The following PTPRQ variants were observed in gnomAD, a reference collection of about 807,000 sequenced individuals.
The protein encoded by PTPRQ is protein tyrosine phosphatase receptor type Q.
In PTPRQ, 199 loss-of-function variants were observed where a neutral mutation model predicts 246.0. That is an observed-to-expected ratio of 0.81 (90% confidence interval 0.72 to 0.91). PTPRQ has a LOEUF of 0.91. Ranked by LOEUF, PTPRQ falls within the 40% of genes least tolerant of loss-of-function variation. The pLI, the probability that PTPRQ is intolerant of heterozygous loss-of-function variation, is 0.00. For missense variants in PTPRQ, 2,624 were observed against 2,528.4 expected, an observed-to-expected ratio of 1.04 and a Z score of -0.81; for synonymous variants, 869 against 853.2, an observed-to-expected ratio of 1.02 and a Z score of -0.32.
At chr12:80,610,706 A>G in intron 28 of PTPRQ, 81 bp downstream of exon 28, 1 of 1,481,156 alleles carries the variant, frequency 6.8e-7, no homozygotes, top group Non-Finnish European at 9.0e-7. Context: ...TCCACCAAAA[A>G]AGGATATGTG....
At chr12:80,629,653 C>G (rs1335828058) in intron 33 of PTPRQ, among the ~76,000 whole-genome samples, 1 of 151,944 alleles carries the variant, frequency 6.6e-6, no homozygotes, top group African/African-American at 2.4e-5. Context: ...AGGATATGGG[C>G]TTTTCTCAGT....
At chr12:80,483,987 T>TTTTGTTTGTTTG (rs71094983) in intron 8 of PTPRQ, among the ~76,000 whole-genome samples, 6 of 149,338 alleles carry the variant, frequency 4.0e-5, no homozygotes, top group Non-Finnish European at 5.9e-5. Context: ...CTTTCTTGTT[T>TTTTGTTTGTTTG]TTTGTTTGTT....
At position 80,661,203 on chromosome 12, in the gene PTPRQ, C is replaced by T. The variant is rs201494888; in HGVS notation, c.6192+3142C>T. ...TGCTTTTAATGACATCATAATCATACAAAAGGAAAAAATATATATATATAA... is the reference window on the plus strand; with the variant it reads ...TGCTTTTAATGACATCATAATCATATAAAAGGAAAAAATATATATATATAA... On this transcript the variant is annotated intron_variant, in intron 39 of 44. Transcript: ENST00000644991. 2.8e-5 allele frequency among the ~76,000 whole-genome samples: 4 copies of T among 145,316 alleles called. No homozygotes were observed. The East Asian group carries it at 8.0e-4, about 29-fold the overall frequency.
Position 80,507,077 on chromosome 12 carries a change from C to T in PTPRQ, c.2557+407C>T, listed in dbSNP as rs143674807. 1.1e-3 allele frequency among the ~76,000 whole-genome samples: 172 copies of T among 151,958 alleles called. 1 individual carries two copies. Among genetic ancestry groups the T allele is most frequent in the African/African-American group, 3.3e-3 (137 of 41,496 alleles). On this transcript the variant is annotated intron_variant, in intron 16 of 44. Transcript: ENST00000644991. ...TATGTAAATGTTCAGCACTTTTTTA[C>T]GATATTAATGATTAACTTGATAATG...
chr12:80,488,946 T>C (rs1333286623), intron 9 of PTPRQ, among the ~76,000 whole-genome samples: 1 of 152,058 alleles, frequency 6.6e-6, no homozygotes, highest in Non-Finnish European at 1.5e-5. Flanking sequence ...TATATATGTA[T>C]CTGATCTATA....
Position 80,542,734 on chromosome 12 carries a change from G to T in PTPRQ, c.3726G>T (p.Pro1242=), listed in dbSNP as rs147316024. ...ILFFYTDESV[P]LAPPQNLTLI... is the part of the protein sequence containing the mutation. ...TCTTCATGTGTTTTCCTACAGTGCC[G>T]TTAGCACCTCCACAAAATTTGACTT... is the stretch of plus-strand genomic sequence containing the variant. The change falls in exon 23 of 45, where the codon CCG becomes CCT. Residue 1242 remains proline (P), a synonymous_variant. Coordinates refer to ENST00000644991, the MANE Select transcript of PTPRQ (RefSeq NM_001145026.2). The T allele has an allele frequency of 1.3e-6, 2 of 1,541,968 alleles. No individual in the cohort carries two copies.
chr12:80,523,479 C>CTG (rs1215522921), intron 17 of PTPRQ, among the ~76,000 whole-genome samples: 1 of 152,102 alleles, frequency 6.6e-6, no homozygotes, highest in East Asian at 1.9e-4. Flanking sequence ...TTAGATCTTT[C>CTG]CTGCTTTCTC....
At chr12:80,632,764 G>A (rs1359588761) in intron 34 of PTPRQ, among the ~76,000 whole-genome samples, 1 of 152,056 alleles carries the variant, frequency 6.6e-6, no homozygotes. Context: ...TATGACAGAG[G>A]GAAGGGGTTG....
rs201147195 is a variant in PTPRQ at position 80,605,917 on chromosome 12, TG to T, written c.4731+743del. ...TGTAGAGGATAGATTGAGAGCAGTA[TG>T]GGGGGTGTAAAATCAGGCAAGGAGA... On this transcript the variant is annotated intron_variant, in intron 27 of 44. Transcript: ENST00000644991. 7.9e-4 allele frequency among the ~76,000 whole-genome samples: 119 copies of T among 150,774 alleles called. 1 individual carries two copies. The East Asian group carries it at 0.016, about 21-fold the overall frequency.
At chr12:80,475,370 A>G (rs1003291645) in intron 8 of PTPRQ, among the ~76,000 whole-genome samples, 10 of 152,112 alleles carry the variant, frequency 6.6e-5, no homozygotes, top group Admixed American at 6.5e-5. Context: ...AAAATGTGAG[A>G]TTTTTTTGGC....
chr12:80,550,410 C>T (rs921987980), intron 25 of PTPRQ, among the ~76,000 whole-genome samples: 2 of 152,128 alleles, frequency 1.3e-5, no homozygotes, highest in Admixed American at 6.6e-5. Flanking sequence ...ATCTTGGAAA[C>T]GTCTTTCAAG....
chr12:80,546,618 T>C lies in PTPRQ; in HGVS notation c.3936T>C (p.Ser1312=), dbSNP rs531518607. The part of the protein sequence containing the change: ...LVGLEPVSTY[S]IRVSAFTKVG... ...GACTGGAACCAGTCAGCACCTACTC[T>C]ATCCGTGTATCTGCGTTCACCAAAG... is the stretch of plus-strand genomic sequence containing the variant. The change falls in exon 24 of 45, where the codon TCT becomes TCC. Residue 1312 remains serine (S), a synonymous_variant. Transcript: ENST00000644991. The C allele has an allele frequency of 4.4e-5, 69 of 1,551,356 alleles. 1 individual carries two copies. In the South Asian group the frequency reaches 7.4e-4, roughly 17 times the overall value.
At position 80,679,867 on chromosome 12, in the gene PTPRQ, T is replaced by G. The variant is rs1308250324; in HGVS notation, c.*844T>G. The G allele has an allele frequency of 6.6e-6, 1 of 151,872 alleles. No individual in the cohort carries two copies. The highest frequency in any genetic ancestry group is 2.4e-5 in the African/African-American group (1 of 41,394). 9.4% of individuals were successfully genotyped at this position (151,872 alleles called of 1,614,324 possible). On this transcript the variant is annotated 3_prime_UTR_variant, in exon 45 of 45. Transcript: ENST00000644991. ...GAAGAGTTTCTTCAGCAAAAATGTA[T>G]CAAAAGAGTAATAAAAACACTGTGC... is the stretch of plus-strand genomic sequence containing the variant.
chr12:80,556,316 A>C (rs1896644900), intron 25 of PTPRQ, among the ~76,000 whole-genome samples: 4 of 152,208 alleles, frequency 2.6e-5, no homozygotes, highest in Admixed American at 6.5e-5. Flanking sequence ...GGCATGAGCC[A>C]CCATGCCTGG....
intron 25 of PTPRQ, among the ~76,000 whole-genome samples, chr12:80,551,973 T>C (rs1043840790): frequency 6.6e-6 from 1 of 152,048 alleles, no homozygotes; most frequent in Non-Finnish European, 1.5e-5. Flanking sequence ...ACACATAAAA[T>C]TTTATTCATT....
chr12:80,547,465 TAGTG>T (rs1485570899), intron 24 of PTPRQ, among the ~76,000 whole-genome samples: 1 of 152,164 alleles, frequency 6.6e-6, no homozygotes, highest in Non-Finnish European at 1.5e-5. Flanking sequence ...CCTGGTATGT[TAGTG>T]AATCTTTAAA....
chr12:80,574,621 A>G (rs7132043), intron 25 of PTPRQ, among the ~76,000 whole-genome samples: 32,784 of 152,066 alleles, frequency 0.22, 5,675 homozygotes, highest in African/African-American at 0.48. Context: ...TGCAATATGA[A>G]TACTTGACTT....
At chr12:80,603,135 A>T (rs770085428) in intron 26 of PTPRQ, among the ~76,000 whole-genome samples, 3 of 151,686 alleles carry the variant, frequency 2.0e-5, no homozygotes, top group South Asian at 2.1e-4. Context: ...CTCAATTTGC[A>T]CCCACATCAA....
intron 25 of PTPRQ, among the ~76,000 whole-genome samples, chr12:80,578,959 G>A (rs1471382655): frequency 6.6e-6 from 1 of 152,008 alleles, no homozygotes; most frequent in Non-Finnish European, 1.5e-5. Context: ...TCTACAGTGT[G>A]TATTTTGTCA....
Sources: gnomAD v4.1 joint callset for allele counts (sites outside exome capture counted in the v4.1 genomes callset) on GRCh38, gnomAD v4.1.1 for gene constraint, MANE v1.5 for transcripts, NCBI Gene and HGNC (gene_info 2026-07-23, HGNC 2026-07-21) for gene names.